The following HHAT variants were observed in gnomAD, a reference collection of about 807,000 sequenced individuals.
The protein encoded by HHAT is hedgehog acyltransferase.
In HHAT, 47 loss-of-function variants were observed where a neutral mutation model predicts 70.8. The ratio of observed to expected loss-of-function variants is 0.66; its 90% CI spans 0.53 to 0.85. HHAT has a LOEUF of 0.85. HHAT is among the 40% of genes least tolerant of loss of function. HHAT has a pLI of 0.00. For missense variants in HHAT, 609 were observed against 604.8 expected (o/e 1.01, Z -0.07); for synonymous variants, 228 against 247.6 (o/e 0.92, Z 0.74).
intron 9 of HHAT, among the ~76,000 whole-genome samples, chr1:210,524,256 A>T (rs918662545): frequency 6.6e-6 from 1 of 152,154 alleles, no homozygotes; most frequent in Non-Finnish European, 1.5e-5. Flanking sequence ...CTACAATAAA[A>T]TTTTTTTAAA....
At chr1:210,580,549 C>G (rs1014386868) in intron 9 of HHAT, among the ~76,000 whole-genome samples, 19 of 138,372 alleles carry the variant, frequency 1.4e-4, no homozygotes, top group Non-Finnish European at 2.6e-4. Flanking sequence ...ATCCACGTGT[C>G]TCATTGTTCA....
intron 10 of HHAT, among the ~76,000 whole-genome samples, chr1:210,591,195 C>G (rs1353795391): frequency 2.6e-5 from 4 of 152,066 alleles, no homozygotes; most frequent in Non-Finnish European, 5.9e-5. Context: ...CATTAACCAT[C>G]ATTCCCCCCA....
intron 1 of HHAT, among the ~76,000 whole-genome samples, chr1:210,345,944 A>C (rs2086480766): frequency 6.6e-6 from 1 of 152,064 alleles, no homozygotes; most frequent in Non-Finnish European, 1.5e-5. Context: ...CATGCCTGTA[A>C]TCCCAGCTAC....
intron 8 of HHAT, among the ~76,000 whole-genome samples, chr1:210,509,237 G>A (rs2094913215): frequency 6.6e-6 from 1 of 152,200 alleles, no homozygotes; most frequent in African/African-American, 2.4e-5. Context: ...AATTATACTA[G>A]TTGAGCATCT....
intron 9 of HHAT, among the ~76,000 whole-genome samples, chr1:210,540,471 GCA>G (rs71571954): frequency 0.067 from 6,027 of 89,480 alleles, 193 homozygotes; most frequent in Non-Finnish European, 0.11. Flanking sequence ...ACACACACAC[GCA>G]CACACATGCA....
At chr1:210,438,994 A>G (rs573477261) in intron 7 of HHAT, among the ~76,000 whole-genome samples, 2 of 151,940 alleles carry the variant, frequency 1.3e-5, no homozygotes, top group South Asian at 2.1e-4. Flanking sequence ...CCAGTGAATC[A>G]GAGCATCTGA....
intron 2 of HHAT, among the ~76,000 whole-genome samples, chr1:210,352,356 T>C (rs2087113580): frequency 6.6e-6 from 1 of 152,218 alleles, no homozygotes; most frequent in South Asian, 2.1e-4. Context: ...ATGCCATGCC[T>C]AAGTATGTTC....
chr1:210,648,227 C>G (rs1351124127), intron 11 of HHAT, among the ~76,000 whole-genome samples: 3 of 152,186 alleles, frequency 2.0e-5, no homozygotes, highest in South Asian at 2.1e-4. Context: ...TGAGTAATAA[C>G]CTTTTCAGAC....
intron 8 of HHAT, among the ~76,000 whole-genome samples, chr1:210,492,115 A>G (rs2094561518): frequency 6.6e-6 from 1 of 152,048 alleles, no homozygotes; most frequent in Non-Finnish European, 1.5e-5. Context: ...AATCACACAC[A>G]CGTACCCACC....
intron 8 of HHAT, among the ~76,000 whole-genome samples, chr1:210,491,064 AGTGTGT>A (rs1553242999): frequency 1.1e-3 from 40 of 36,182 alleles, no homozygotes; most frequent in African/African-American, 2.5e-3. Flanking sequence ...ACACACACAT[AGTGTGT>A]GTGTGTGTGT....
intron 6 of HHAT, among the ~76,000 whole-genome samples, chr1:210,404,923 T>C (rs2092265964): frequency 6.6e-6 from 1 of 152,182 alleles, no homozygotes; most frequent in South Asian, 2.1e-4. Context: ...TTCAGTGAAC[T>C]CTGGCAACCA....
chr1:210,432,644 T>C (rs2093278427), intron 7 of HHAT, among the ~76,000 whole-genome samples: 1 of 151,946 alleles, frequency 6.6e-6, no homozygotes, highest in African/African-American at 2.4e-5. Flanking sequence ...TGCTATCACA[T>C]AGCCCAGTGG....
chr1:210,613,133 T>C (rs200681776), intron 10 of HHAT, among the ~76,000 whole-genome samples: 2 of 152,340 alleles, frequency 1.3e-5, no homozygotes, highest in South Asian at 2.1e-4. Flanking sequence ...GTTTATCTCT[T>C]TTTACTTTTG....
Position 210,387,585 on chromosome 1 carries a change from T to G in HHAT, c.273+4T>G, listed in dbSNP as rs749105557. Reference sequence around the variant, plus strand: ...GGCCACACTGCTGGCAAGAAAGGTATGATTATATGTGTTGTTACCTTTTAA... The same window carrying G: ...GGCCACACTGCTGGCAAGAAAGGTAGGATTATATGTGTTGTTACCTTTTAA... On this transcript the variant is annotated splice_donor_region_variant and intron_variant, in intron 4 of 11. Transcript: ENST00000261458. 5.0e-6 allele frequency: 8 copies of G among 1,599,824 alleles called. No individual in the cohort carries two copies. In the South Asian group the frequency reaches 6.6e-5, roughly 13 times the overall value.
chr1:210,609,678 A>C (rs1666206243), intron 10 of HHAT, among the ~76,000 whole-genome samples: 1 of 151,958 alleles, frequency 6.6e-6, no homozygotes, highest in African/African-American at 2.4e-5. Context: ...TAGCCCCTCA[A>C]CAGGCCCCAA....
At chr1:210,595,780 A>G (rs1428493536) in intron 10 of HHAT, among the ~76,000 whole-genome samples, 2 of 151,734 alleles carry the variant, frequency 1.3e-5, no homozygotes, top group African/African-American at 2.4e-5. Flanking sequence ...AGAAGTGTCT[A>G]TTCATATCCT....
intron 3 of HHAT, among the ~76,000 whole-genome samples, chr1:210,365,320 T>TTTTG (rs1282241094): frequency 5.3e-5 from 7 of 131,730 alleles, no homozygotes; most frequent in Non-Finnish European, 9.7e-5. Context: ...TTTTTTTTTT[T>TTTTG]TTTTTTTTTT....
chr1:210,474,889 C>T (rs72747449), intron 8 of HHAT, among the ~76,000 whole-genome samples: 24,775 of 150,588 alleles, frequency 0.16, 2,441 homozygotes, highest in Admixed American at 0.23. Flanking sequence ...CTTGCTCTGT[C>T]ACTAAGGTTG....
chr1:210,440,277 G>A (rs1284111314), intron 7 of HHAT, among the ~76,000 whole-genome samples: 1 of 151,752 alleles, frequency 6.6e-6, no homozygotes, highest in Non-Finnish European at 1.5e-5. Flanking sequence ...CCTGTAGGAG[G>A]AAAGGGGTGG....
Sources: gnomAD v4.1 joint callset for allele counts (sites outside exome capture counted in the v4.1 genomes callset) on GRCh38, gnomAD v4.1.1 for gene constraint, MANE v1.5 for transcripts, NCBI Gene and HGNC (gene_info 2026-07-23, HGNC 2026-07-21) for gene names.